Variants in FRMPD1 observed in about 807,000 individuals in gnomAD.
FRMPD1 encodes the protein FERM and PDZ domain containing 1, also known as FERM and PDZ domain-containing protein 1.
In FRMPD1, 76 loss-of-function variants were observed where a neutral mutation model predicts 117.8. The ratio of observed to expected loss-of-function variants is 0.65; its 90% CI spans 0.54 to 0.78. The LOEUF (loss-of-function observed/expected upper bound fraction) is 0.78. Among genes scored for constraint, FRMPD1 ranks in the 30% least tolerant of loss-of-function variants. FRMPD1 has a pLI of 0.00. For synonymous variants in FRMPD1, 783 were observed against 770.4 expected, an observed-to-expected ratio of 1.02 and a Z score of -0.27; for missense variants, 1,786 against 1,964.5, an observed-to-expected ratio of 0.91 and a Z score of 1.72.
In FRMPD1 at chr9:37,740,705, C is replaced by T; in HGVS notation, c.2177C>T (p.Thr726Ile). The change falls in exon 15 of 16, where the codon ACA becomes ATA. Residue 726 changes from threonine (T) to isoleucine (I), a missense_variant. Physicochemically the swap from Thr to Ile is moderately conservative, Grantham distance 89 (BLOSUM62 -1). Coordinates refer to ENST00000377765, the MANE Select transcript of FRMPD1 (RefSeq NM_014907.3). This position sits in a 1 kb window ranked among gnomAD's most constrained non-coding sequence, Gnocchi z 4.2. The stretch of plus-strand genomic sequence containing the variant: ...TACCTGAGTGACAGTTCCGAGAGTA[C>T]AGCTTCCCGGCAAGGGGGAGCCCCG... ...ASYLSDSSESTASRQGGAPPA... is the reference protein window; with the variant it reads ...ASYLSDSSESIASRQGGAPPA... The T allele has an allele frequency of 1.9e-6, 3 of 1,614,118 alleles. No homozygotes were observed. Among genetic ancestry groups the T allele is most frequent in the South Asian group, 1.1e-5 (1 of 91,078 alleles).
rs1823533536 is a variant in FRMPD1 at position 37,724,384 on chromosome 9, G to A, written c.612+64G>A. 5.9e-6 allele frequency: 5 copies of A among 853,936 alleles called. No homozygotes were observed. In the East Asian group the frequency reaches 1.3e-4, roughly 22 times the overall value. 52.9% of individuals were successfully genotyped at this position (853,936 alleles called of 1,614,324 possible). ...ATGTTCTGGCTGCTAGGACCCCCCA[G>A]GCATCTTGCCCTGCATCTGCCTTGG... On this transcript the variant is annotated intron_variant, in intron 7 of 15. Coordinates refer to ENST00000377765, the MANE Select transcript of FRMPD1 (RefSeq NM_014907.3).
At chr9:37,637,339 C>T in the FRMPD1 span, 10 of 909,568 alleles carry the variant, frequency 1.1e-5, no homozygotes, top group Middle Eastern at 7.0e-4. Context: ...GGCTCTGCTC[C>T]GCCTCCCGTT....
At chr9:37,637,228 T>C in the FRMPD1 span, 2 of 1,611,026 alleles carry the variant, frequency 1.2e-6, no homozygotes. Flanking sequence ...GGAGCAGGCA[T>C]GACTTGCCCA....
At chr9:37,637,254 T>A in the FRMPD1 span, 1 of 1,609,340 alleles carries the variant, frequency 6.2e-7, no homozygotes, top group Non-Finnish European at 8.5e-7. Context: ...GAGTCGCCAA[T>A]CAAAAGCAGC....
the FRMPD1 span, among the ~76,000 whole-genome samples, chr9:37,609,148 C>T: frequency 1.3e-5 from 2 of 152,106 alleles, no homozygotes; most frequent in Non-Finnish European, 2.9e-5. Context: ...AAAAGTTAGC[C>T]GGGCATGGTG....
chr9:37,692,678 A>T lies in FRMPD1; in HGVS notation c.37A>T (p.Lys13Ter). Residue 13 changes from lysine to a stop codon, truncating the protein, a stop_gained, in exon 2 of 16, where the codon AAA becomes TAA. Coordinates refer to ENST00000377765, the MANE Select transcript of FRMPD1 (RefSeq NM_014907.3). LOFTEE classifies it high-confidence loss of function. ...GGAGACCAGTTTATTCCAGACACGG[A>T]AAGCACATAGAATAGAACAAATGGT... ...ELETSLFQTR[K>*]AHRIEQMVAR... 6.2e-7 allele frequency: 1 copy of T among 1,614,002 alleles called. No homozygotes were observed. Among genetic ancestry groups the T allele is most frequent in the Non-Finnish European group, 8.5e-7 (1 of 1,179,860 alleles).
rs373612943 is a variant in FRMPD1, at chr9:37,682,783, C to T, written c.-4-9855C>T. On this transcript the variant is annotated intron_variant, in intron 1 of 15. Transcript: ENST00000377765. ...GTGGAAAGGTGAGAAAAACAGATTC[C>T]TTACAGAGTTGGGGTTATTACTTAC... Among the ~76,000 whole-genome samples the T allele has an allele frequency of 1.6e-4, 24 of 152,258 alleles. No individual in the cohort carries two copies. The South Asian group carries it at 5.0e-3, about 32-fold the overall frequency.
chr9:37,615,719 T>C, the FRMPD1 span, among the ~76,000 whole-genome samples: 1 of 152,156 alleles, frequency 6.6e-6, no homozygotes, highest in Non-Finnish European at 1.5e-5. Flanking sequence ...TATTTAACAT[T>C]GTCGGGATTT....
At chr9:37,723,549 C>G (rs1823488011) in intron 6 of FRMPD1, among the ~76,000 whole-genome samples, 1 of 152,176 alleles carries the variant, frequency 6.6e-6, no homozygotes, top group Non-Finnish European at 1.5e-5. Flanking sequence ...TACCCAGGGG[C>G]AGGAAAGCTG....
intron 2 of FRMPD1, among the ~76,000 whole-genome samples, chr9:37,703,925 T>C (rs1216576335): frequency 6.6e-6 from 1 of 152,244 alleles, no homozygotes; most frequent in Non-Finnish European, 1.5e-5. Context: ...ATTCGAGTTG[T>C]TTCCACTTTT....
At chr9:37,628,296 T>C in the FRMPD1 span, among the ~76,000 whole-genome samples, 4 of 152,132 alleles carry the variant, frequency 2.6e-5, no homozygotes, top group Non-Finnish European at 5.9e-5. Flanking sequence ...TCTGTGATAA[T>C]GGATGAGGCA....
At chr9:37,619,908 A>G in the FRMPD1 span, among the ~76,000 whole-genome samples, 2 of 146,944 alleles carry the variant, frequency 1.4e-5, no homozygotes, top group Non-Finnish European at 3.0e-5. Context: ...GACACTGAGT[A>G]GACAGGGGAA....
intron 2 of FRMPD1, among the ~76,000 whole-genome samples, chr9:37,699,902 C>CGT (rs1368860325): frequency 2.0e-5 from 3 of 148,558 alleles, no homozygotes; most frequent in East Asian, 2.0e-4. Flanking sequence ...TATGCATGCA[C>CGT]GCACACACAC....
At chr9:37,677,452 G>A (rs1821569742) in intron 1 of FRMPD1, among the ~76,000 whole-genome samples, 1 of 152,218 alleles carries the variant, frequency 6.6e-6, no homozygotes, top group Admixed American at 6.5e-5. Flanking sequence ...CATAGCTGCT[G>A]TCATTGAGGA....
chr9:37,729,151 G>A (rs2118359960), intron 7 of FRMPD1, among the ~76,000 whole-genome samples: 1 of 151,860 alleles, frequency 6.6e-6, no homozygotes, highest in African/African-American at 2.4e-5. Context: ...TGGAGGCCAA[G>A]GCAGGCAGAT....
intron 1 of FRMPD1, among the ~76,000 whole-genome samples, chr9:37,652,996 C>T (rs55922714): frequency 0.015 from 2,264 of 152,222 alleles, 17 homozygotes; most frequent in Middle Eastern, 0.031. Flanking sequence ...ATGTGTAGGT[C>T]AAGGAGCTGG....
In FRMPD1 at chr9:37,744,655, CT is replaced by C; in HGVS notation, c.2624del (p.Leu875ArgfsTer34). On this transcript the variant is annotated frameshift_variant, in exon 16 of 16. Transcript: ENST00000377765. LOFTEE classifies it low-confidence loss of function (END_TRUNC). Reference protein sequence around the residue: ...DVCYYDREPYLALGAPSPTVS... With the variant: ...DVCYYDREPYXALGAPSPTVS... ...GTGCTACTATGACAGGGAGCCCTAC[CT>C]GGCCCTTGGTGCACCCTCCCCAACT... The C allele has an allele frequency of 6.2e-7, 1 of 1,614,076 alleles. No homozygotes were observed. The highest frequency in any genetic ancestry group is 8.5e-7 in the Non-Finnish European group (1 of 1,179,978).
chr9:37,735,432 G>A, intron 12 of FRMPD1, 120 bp from the exon 13 acceptor site: 1 of 722,448 alleles, frequency 1.4e-6, no homozygotes, highest in South Asian at 1.7e-5. Context: ...CTGGAGGAGT[G>A]GTGGTTAGGA....
the FRMPD1 span, among the ~76,000 whole-genome samples, chr9:37,605,051 CA>C: frequency 6.6e-6 from 1 of 152,242 alleles, no homozygotes; most frequent in East Asian, 1.9e-4. Context: ...AGCTGGAATA[CA>C]AATCCAGGCA....
Sources: gnomAD v4.1 joint callset for allele counts (sites outside exome capture counted in the v4.1 genomes callset) on GRCh38, gnomAD v4.1.1 for gene constraint, Gnocchi (gnomAD v3.1) non-coding constraint, MANE v1.5 for transcripts, NCBI Gene and HGNC (gene_info 2026-07-23, HGNC 2026-07-21) for gene names.